Variants in PRKG1 observed in about 807,000 individuals in gnomAD.
PRKG1 encodes cGMP-dependent protein kinase 1.
Under a neutral mutation model 88.1 loss-of-function variants are expected in PRKG1, and 35 were observed. The ratio of observed to expected loss-of-function variants is 0.40; its 90% CI spans 0.30 to 0.53. PRKG1 has a LOEUF of 0.53. Among genes scored for constraint, PRKG1 ranks in the 20% least tolerant of loss-of-function variants. PRKG1 has a pLI of 0.59. For synonymous variants in PRKG1, 303 were observed against 292.5 expected, an observed-to-expected ratio of 1.04 and a Z score of -0.37; for missense variants, 540 against 839.8, an observed-to-expected ratio of 0.64 and a Z score of 4.41.
intron 3 of PRKG1, among the ~76,000 whole-genome samples, chr10:51,629,640 G>A (rs1839473700): frequency 6.6e-6 from 1 of 152,086 alleles, no homozygotes; most frequent in Non-Finnish European, 1.5e-5. Context: ...TTTTAATTCA[G>A]AACATACGGA....
At chr10:51,496,921 T>C (rs1405611625) in intron 3 of PRKG1, among the ~76,000 whole-genome samples, 2 of 152,216 alleles carry the variant, frequency 1.3e-5, no homozygotes, top group Admixed American at 1.3e-4. Context: ...ATTTTTGAAA[T>C]GAAATGTAAC....
intron 5 of PRKG1, among the ~76,000 whole-genome samples, chr10:51,914,152 T>G (rs1842286174): frequency 6.6e-6 from 1 of 151,770 alleles, no homozygotes; most frequent in Non-Finnish European, 1.5e-5. Context: ...CTAACTAATC[T>G]CCAGCTAAGA....
chr10:52,214,630 A>G (rs530403735), intron 9 of PRKG1, among the ~76,000 whole-genome samples: 1 of 152,292 alleles, frequency 6.6e-6, no homozygotes, highest in Admixed American at 6.5e-5. Flanking sequence ...CAAACAAACC[A>G]TTTAAGGATT....
chr10:51,706,444 C>T (rs1312187460), intron 3 of PRKG1, among the ~76,000 whole-genome samples: 1 of 152,042 alleles, frequency 6.6e-6, no homozygotes, highest in African/African-American at 2.4e-5. Flanking sequence ...TGCTGGGAGT[C>T]TGCCATTTCT....
intron 5 of PRKG1, among the ~76,000 whole-genome samples, chr10:51,948,696 A>T (rs1293292670): frequency 6.6e-6 from 1 of 152,154 alleles, no homozygotes; most frequent in African/African-American, 2.4e-5. Flanking sequence ...TCAACGAGCC[A>T]ACTAGTTTGA....
At position 52,201,503 on chromosome 10, in the gene PRKG1, T is replaced by G. The variant is rs146834126; in HGVS notation, c.1076+39540T>G. ...AGTACTGTAATGCTTCTAAGTTTGT[T>G]CTTTTTGCTTAGGATTGATGTAGCT... On this transcript the variant is annotated intron_variant, in intron 9 of 17. Transcript: ENST00000373980. Among the ~76,000 whole-genome samples the G allele has an allele frequency of 5.9e-3, 898 of 152,264 alleles. 11 individuals are homozygous for G. Among genetic ancestry groups the G allele is most frequent in the African/African-American group, 0.021 (865 of 41,556 alleles).
At chr10:52,197,000 T>G (rs1291386022) in intron 9 of PRKG1, among the ~76,000 whole-genome samples, 1 of 152,156 alleles carries the variant, frequency 6.6e-6, no homozygotes, top group Non-Finnish European at 1.5e-5. Flanking sequence ...GTAGCCACAA[T>G]AGTAATAGCA....
intron 3 of PRKG1, among the ~76,000 whole-genome samples, chr10:51,528,244 A>G (rs973971549): frequency 1.3e-5 from 2 of 152,218 alleles, no homozygotes; most frequent in African/African-American, 4.8e-5. Context: ...CTCTCATAAC[A>G]AATAATCCTG....
chr10:51,500,576 C>T (rs1172378127), intron 3 of PRKG1, among the ~76,000 whole-genome samples: 2 of 152,106 alleles, frequency 1.3e-5, no homozygotes, highest in Non-Finnish European at 2.9e-5. Context: ...CTGCATGAAC[C>T]TTATATTGGG....
chr10:51,448,909 A>G (rs918217413), intron 2 of PRKG1, among the ~76,000 whole-genome samples: 2 of 152,076 alleles, frequency 1.3e-5, no homozygotes, highest in South Asian at 2.1e-4. Flanking sequence ...ATTTATGAAA[A>G]GTATATTTTG....
chr10:51,941,903 G>A lies in PRKG1; in HGVS notation c.762+34333G>A, dbSNP rs373272024. Among the ~76,000 whole-genome samples the A allele has an allele frequency of 5.7e-3, 864 of 151,874 alleles. 15 individuals are homozygous for A. The highest frequency in any genetic ancestry group is 0.029 in the East Asian group (152 of 5,162). On this transcript the variant is annotated intron_variant, in intron 5 of 17. Transcript: ENST00000373980. The stretch of plus-strand genomic sequence containing the variant: ...AGTCTTTGCTATTGTGAATAGTGCC[G>A]CAATAAACATATGTGTGCATGTCTT...
intron 4 of PRKG1, among the ~76,000 whole-genome samples, chr10:51,847,840 TAAAAAAAAAAAAAAAAAAA>T (rs766423513): frequency 0.02 from 714 of 35,214 alleles, 15 homozygotes; most frequent in Admixed American, 0.044. Context: ...AAGACTCTGT[TAAAAAAAAAAAAAAAAAAA>T]AAAAAAAAAA....
intron 2 of PRKG1, among the ~76,000 whole-genome samples, chr10:51,310,605 A>AT (rs964762822): frequency 2.0e-5 from 3 of 151,998 alleles, no homozygotes; most frequent in African/African-American, 4.8e-5. Flanking sequence ...CCATATTTTT[A>AT]TTTTTTTATT....
intron 4 of PRKG1, among the ~76,000 whole-genome samples, chr10:51,866,876 T>C (rs1049584567): frequency 3.9e-5 from 6 of 152,186 alleles, no homozygotes; most frequent in African/African-American, 1.2e-4. Context: ...GAGTAAAACA[T>C]GGCATTTTTC....
chr10:51,298,979 T>C (rs1026072096), intron 2 of PRKG1, among the ~76,000 whole-genome samples: 6 of 152,180 alleles, frequency 3.9e-5, no homozygotes, highest in African/African-American at 1.4e-4. Context: ...TTAAGTGCAA[T>C]GGAGCACAAA....
chr10:51,372,678 C>T (rs12773635), intron 2 of PRKG1, among the ~76,000 whole-genome samples: 28 of 152,158 alleles, frequency 1.8e-4, no homozygotes, highest in Non-Finnish European at 3.7e-4. Flanking sequence ...TAAAACATTA[C>T]AAATGGAAAT....
At chr10:52,210,131 A>G (rs1006913077) in intron 9 of PRKG1, among the ~76,000 whole-genome samples, 7 of 152,004 alleles carry the variant, frequency 4.6e-5, no homozygotes, top group Non-Finnish European at 1.0e-4. Context: ...TTGATGAACT[A>G]GGGCCCATAA....
chr10:51,180,537 G>C (rs1349410880), intron 2 of PRKG1, among the ~76,000 whole-genome samples: 1 of 152,144 alleles, frequency 6.6e-6, no homozygotes, highest in Non-Finnish European at 1.5e-5. Context: ...ATGTAAGTAT[G>C]ATATTCTGTC....
intron 2 of PRKG1, among the ~76,000 whole-genome samples, chr10:51,263,488 T>C (rs1161978396): frequency 2.6e-5 from 4 of 152,218 alleles, no homozygotes; most frequent in Admixed American, 6.5e-5. Flanking sequence ...AACCCATTCA[T>C]ATCTGTGGTA....
Sources: allele counts gnomAD v4.1 joint callset (sites outside exome capture counted in the v4.1 genomes callset), GRCh38; gene constraint gnomAD v4.1.1; transcripts MANE v1.5; gene names NCBI Gene and HGNC (gene_info 2026-07-23, HGNC 2026-07-21).